COL12A1: variants seen among roughly 807,000 people sequenced by gnomAD.
COL12A1 encodes the protein collagen type XII alpha 1 chain.
A neutral mutation model predicts 349.7 loss-of-function variants in COL12A1; 114 were observed. The observed-to-expected ratio is 0.33, with a 90% confidence interval of 0.28 to 0.38. COL12A1 has a LOEUF of 0.38. COL12A1 is among the 10% of genes least tolerant of loss of function. The pLI, the probability that COL12A1 is intolerant of heterozygous loss-of-function variation, is 1.00. For synonymous variants in COL12A1, 1,369 were observed against 1,329.0 expected (o/e 1.03, Z -0.66); for missense variants, 3,284 against 3,756.9 (o/e 0.87, Z 3.29).
Position 75,189,622 on chromosome 6 carries a change from C to T in COL12A1, c.588G>A (p.Gln196=), listed in dbSNP as rs748928908. 12 of 1,613,108 alleles carry T rather than the reference C, an allele frequency of 7.4e-6. No homozygotes were observed. The African/African-American group carries it at 9.4e-5, about 13-fold the overall frequency. The change falls in exon 6 of 66, where the codon CAG becomes CAA. Residue 196 remains glutamine, a synonymous_variant. Coordinates refer to ENST00000322507, the MANE Select transcript of COL12A1 (RefSeq NM_004370.6). ...SDTRTEFNLN[Q]YYQRDELLAA... is the part of the protein sequence containing the mutation. The stretch of plus-strand genomic sequence containing the variant: ...CAAGAAGTTCATCCCTTTGGTAGTA[C>T]TGATTTAAGTTAAATTCAGTCCTGG...
At chr6:75,108,250 G>GTT (rs757697231) in intron 52 of COL12A1, among the ~76,000 whole-genome samples, 1 of 146,080 alleles carries the variant, frequency 6.8e-6, no homozygotes, top group Non-Finnish European at 1.5e-5. Context: ...CAGCTGATTG[G>GTT]TTTTTTTTTT....
Position 75,155,315 on chromosome 6 carries a change from G to A in COL12A1, c.3443+347C>T, listed in dbSNP as rs150741172. Among the ~76,000 whole-genome samples the A allele has an allele frequency of 4.9e-3, 750 of 152,198 alleles. 3 individuals are homozygous for A. Among genetic ancestry groups the A allele is most frequent in the African/African-American group, 0.017 (708 of 41,518 alleles). ...TGCCAAAAGGTACAGGAACCCCCAT[G>A]CTTCCACATGGCTACAATTTCGGTG... On this transcript the variant is annotated intron_variant, in intron 16 of 65. Transcript: ENST00000322507.
rs1038237271 is a variant in COL12A1, at chr6:75,156,435, G to A, written c.3072C>T (p.Val1024=). ...GAGGGCGATAGACAACACGGTAGTT[G>A]ACGACTTTCCCTGGTGCTGGTTTCC... is the stretch of plus-strand genomic sequence containing the variant. ...VTWKPAPGKV[V]NYRVVYRPHG... The change falls in exon 15 of 66, where the codon GTC becomes GTT. Residue 1024 remains valine, a synonymous_variant. Coordinates refer to ENST00000322507, the MANE Select transcript of COL12A1 (RefSeq NM_004370.6). The A allele has an allele frequency of 3.7e-6, 6 of 1,613,918 alleles. No homozygotes were observed. The highest frequency in any genetic ancestry group is 5.1e-6 in the Non-Finnish European group (6 of 1,179,896).
At chr6:75,112,249 A>G (rs1047531254) in intron 51 of COL12A1, among the ~76,000 whole-genome samples, 1 of 151,838 alleles carries the variant, frequency 6.6e-6, no homozygotes, top group Non-Finnish European at 1.5e-5. Context: ...GATCAGAAAA[A>G]ATAACTAATG....
At chr6:75,174,984 G>A in intron 13 of COL12A1, 54 bp downstream of exon 13, 1 of 1,584,936 alleles carries the variant, frequency 6.3e-7, no homozygotes, top group Non-Finnish European at 8.6e-7. Context: ...AAGCTTCCTA[G>A]AGGCAGCACC....
At position 75,091,647 on chromosome 6, in the gene COL12A1, C is replaced by A. The variant is rs1038088745; in HGVS notation, c.8650-122G>T. ...CTAAAGCATTAGCAAAATGACACAT[C>A]ACATTTATATCCATGTTACTCACAT... On this transcript the variant is annotated intron_variant, in intron 60 of 65. Transcript: ENST00000322507. 4.6e-6 allele frequency: 4 copies of A among 875,974 alleles called. No homozygotes were observed. The African/African-American group carries it at 6.7e-5, about 15-fold the overall frequency. 54.3% of individuals were successfully genotyped at this position (875,974 alleles called of 1,614,324 possible). A position where few individuals can be genotyped will look rare whatever the true frequency, so the allele number is the denominator to read the frequency against.
intron 8 of COL12A1, among the ~76,000 whole-genome samples, chr6:75,186,667 C>T (rs1181937625): frequency 2.6e-5 from 4 of 152,056 alleles, no homozygotes; most frequent in Admixed American, 2.0e-4. Flanking sequence ...TAAATGCACA[C>T]GTATATTCAC....
chr6:75,134,621 A>T, intron 32 of COL12A1, 105 bp downstream of exon 32: 2 of 1,019,960 alleles, frequency 2.0e-6, no homozygotes, highest in Non-Finnish European at 2.6e-6. Flanking sequence ...ATGAATTTTT[A>T]AATATTAGTA....
intron 35 of COL12A1, 111 bp from the exon 36 acceptor site, chr6:75,131,092 C>G (rs1456015573): frequency 7.3e-7 from 1 of 1,371,762 alleles, no homozygotes; most frequent in Non-Finnish European, 1.0e-6. Flanking sequence ...CCAGACACAT[C>G]AGAAGCCAAC....
chr6:75,149,905 A>T (rs2300793), intron 21 of COL12A1, among the ~76,000 whole-genome samples: 3,210 of 152,284 alleles, frequency 0.021, 98 homozygotes, highest in East Asian at 0.14. Context: ...GAATAAAACT[A>T]CAACTCTCTC....
In COL12A1 at chr6:75,181,015, CA is replaced by C; in HGVS notation, c.2087del (p.Leu696CysfsTer6). On this transcript the variant is annotated frameshift_variant, in exon 11 of 66. Coordinates refer to ENST00000322507, the MANE Select transcript of COL12A1 (RefSeq NM_004370.6). LOFTEE classifies it high-confidence loss of function. ...VVLSSLKPET[L>X]YLVNVTAEYE... is the part of the protein sequence containing the mutation. ...ACTCCGCAGTCACATTGACCAAATA[CA>C]AGGTCTCTGGCTTCAGGCTGCTGAG... 6.2e-7 allele frequency: 1 copy of C among 1,614,136 alleles called. No homozygotes were observed. The highest frequency in any genetic ancestry group is 8.5e-7 in the Non-Finnish European group (1 of 1,180,034).
rs1238283212 is a variant in COL12A1 at position 75,151,186 on chromosome 6, C to A, written c.4102G>T (p.Val1368Leu). 6.2e-7 allele frequency: 1 copy of A among 1,612,464 alleles called. No homozygotes were observed. Among genetic ancestry groups the A allele is most frequent in the Admixed American group, 1.7e-5 (1 of 59,918 alleles). Residue 1368 changes from valine to leucine, a missense_variant, in exon 21 of 66, where the codon GTG becomes TTG. This residue lies in a region of COL12A1 where 2,601 missense variants were observed against 2,824.8 expected (regional missense o/e 0.92). Transcript: ENST00000322507. The stretch of plus-strand genomic sequence containing the variant: ...CACAAATTAATGGTGAGATCATCCA[C>A]TATCCTGGAGAGTGACTCAAAATCT... ...VADFESLSRI[V>L]DDLTINLCNS...
chr6:75,199,903 C>A (rs1358947136), intron 2 of COL12A1, among the ~76,000 whole-genome samples: 2 of 151,938 alleles, frequency 1.3e-5, no homozygotes, highest in Admixed American at 6.6e-5. Context: ...AAAGTGAATA[C>A]CAAAACATTT....
In COL12A1 at chr6:75,123,384, G is replaced by T; in HGVS notation, c.6892C>A (p.Pro2298Thr). The T allele has an allele frequency of 6.3e-7, 1 of 1,594,616 alleles. No individual in the cohort carries two copies. The highest frequency in any genetic ancestry group is 2.3e-5 in the East Asian group (1 of 44,116). The change falls in exon 43 of 66, where the codon CCT (proline) becomes ACT (threonine). Residue 2298 changes from proline (P) to threonine (T), a missense_variant. Coordinates refer to ENST00000322507, the MANE Select transcript of COL12A1 (RefSeq NM_004370.6). Reference sequence around the variant, plus strand: ...GGAGGAGGTGTGGGTGGCTCTGTAGGGGCTTCTGTTGGTTTCACAGCTAAA... The same window carrying T: ...GGAGGAGGTGTGGGTGGCTCTGTAGTGGCTTCTGTTGGTTTCACAGCTAAA... ...EHTTVKPTEA[P>T]TEPPTPPPPP...
chr6:75,199,574 C>T (rs1019402341), intron 2 of COL12A1, among the ~76,000 whole-genome samples: 8 of 152,170 alleles, frequency 5.3e-5, no homozygotes, highest in Non-Finnish European at 1.2e-4. Context: ...GCCCAGTTCT[C>T]AGGGAATACT....
At chr6:75,112,342 C>T (rs1021536161) in intron 51 of COL12A1, among the ~76,000 whole-genome samples, 7 of 151,832 alleles carry the variant, frequency 4.6e-5, no homozygotes, top group African/African-American at 1.7e-4. Context: ...CAAACCTGCA[C>T]ATCTTGCACA....
chr6:75,088,844 A>T (rs1033917866), intron 64 of COL12A1, among the ~76,000 whole-genome samples: 10 of 151,416 alleles, frequency 6.6e-5, no homozygotes, highest in South Asian at 2.1e-4. Flanking sequence ...ACTAAAAATT[A>T]AAAAAAATTA....
At chr6:75,170,234 A>T (rs1217488031) in intron 13 of COL12A1, among the ~76,000 whole-genome samples, 1 of 152,214 alleles carries the variant, frequency 6.6e-6, no homozygotes. Flanking sequence ...TTCATCTTAT[A>T]GATTGTTCCA....
chr6:75,167,585 C>T (rs1768377962), intron 13 of COL12A1, among the ~76,000 whole-genome samples: 1 of 152,138 alleles, frequency 6.6e-6, no homozygotes, highest in Non-Finnish European at 1.5e-5. Flanking sequence ...TTCTACAGCA[C>T]TAAATTTGTG....
Sources: gnomAD v4.1 joint callset for allele counts (sites outside exome capture counted in the v4.1 genomes callset) on GRCh38, gnomAD v4.1.1 for gene constraint, gnomAD v4.1.1 regional missense constraint, MANE v1.5 for transcripts, NCBI Gene and HGNC (gene_info 2026-07-23, HGNC 2026-07-21) for gene names.